Variants in WWOX observed in about 807,000 individuals in gnomAD.
The protein encoded by WWOX is WW domain containing oxidoreductase.
Under a neutral mutation model 46.2 loss-of-function variants are expected in WWOX, and 69 were observed. The ratio of observed to expected loss-of-function variants is 1.49; its 90% CI spans 1.23 to 1.82. The LOEUF is 1.82. WWOX is among the 40% of genes most tolerant of loss of function. The pLI, the probability that WWOX is intolerant of heterozygous loss-of-function variation, is 0.00. For synonymous variants in WWOX, 359 were observed against 202.6 expected, an observed-to-expected ratio of 1.77 and a Z score of -6.56; for missense variants, 919 against 542.6, an observed-to-expected ratio of 1.69 and a Z score of -6.89.
chr16:78,452,006 G>A (rs74030278), intron 8 of WWOX, among the ~76,000 whole-genome samples: 11,135 of 152,166 alleles, frequency 0.073, 492 homozygotes, highest in East Asian at 0.2. Context: ...ACTTCCTTCT[G>A]TTTTTAGTGA....
rs900549255 is a variant in WWOX at position 78,982,375 on chromosome 16, G to A, written c.1057-229233G>A. ...CTGTCAAAAAGAGTCATAGTACAGC[G>A]TGCCATTGCCAGAATACACGTGTGT... On this transcript the variant is annotated intron_variant, in intron 8 of 8. Coordinates refer to ENST00000566780, the MANE Select transcript of WWOX (RefSeq NM_016373.4). Among the ~76,000 whole-genome samples the A allele has an allele frequency of 2.6e-5, 4 of 152,144 alleles. No individual in the cohort carries two copies. The East Asian group carries it at 5.8e-4, about 22-fold the overall frequency.
At chr16:78,734,697 T>A (rs2049043849) in intron 8 of WWOX, among the ~76,000 whole-genome samples, 1 of 151,928 alleles carries the variant, frequency 6.6e-6, no homozygotes, top group African/African-American at 2.4e-5. Flanking sequence ...AGGTGAACAT[T>A]TAAATCAGTC....
chr16:78,856,899 G>A (rs966091005), intron 8 of WWOX, among the ~76,000 whole-genome samples: 1 of 152,132 alleles, frequency 6.6e-6, no homozygotes, highest in African/African-American at 2.4e-5. Context: ...AATCCTAGAT[G>A]GTATAACCTG....
At chr16:78,928,079 G>A (rs34832810) in intron 8 of WWOX, among the ~76,000 whole-genome samples, 9 of 151,938 alleles carry the variant, frequency 5.9e-5, no homozygotes, top group Non-Finnish European at 1.2e-4. Context: ...TACTGTGGTC[G>A]CCTGGACTTC....
intron 8 of WWOX, among the ~76,000 whole-genome samples, chr16:79,129,116 G>A (rs188689554): frequency 1.5e-4 from 23 of 152,094 alleles, no homozygotes; most frequent in Non-Finnish European, 2.8e-4. Context: ...TGCAAACAAC[G>A]GTAGTTATAA....
At chr16:78,784,981 C>T (rs547773000) in intron 8 of WWOX, among the ~76,000 whole-genome samples, 9 of 152,274 alleles carry the variant, frequency 5.9e-5, no homozygotes, top group East Asian at 3.9e-4. Context: ...TGGGCAGGAG[C>T]AGCCAGAGGA....
intron 8 of WWOX, among the ~76,000 whole-genome samples, chr16:79,102,307 C>G (rs953243120): frequency 1.2e-4 from 18 of 152,136 alleles, no homozygotes; most frequent in African/African-American, 4.1e-4. Context: ...GTGTTTGACT[C>G]TAGGACTCAG....
chr16:78,345,513 G>T (rs1479736502), intron 5 of WWOX, among the ~76,000 whole-genome samples: 7 of 73,450 alleles, frequency 9.5e-5, no homozygotes, highest in Admixed American at 9.3e-4. Flanking sequence ...GGGTGTAATG[G>T]CACACCTGTA....
chr16:78,649,223 G>T (rs963269582), intron 8 of WWOX, among the ~76,000 whole-genome samples: 1 of 152,164 alleles, frequency 6.6e-6, no homozygotes. Flanking sequence ...GACCTCAAAT[G>T]ATCCAACCGC....
chr16:78,747,178 A>C (rs969120338), intron 8 of WWOX, among the ~76,000 whole-genome samples: 2 of 145,026 alleles, frequency 1.4e-5, no homozygotes, highest in Middle Eastern at 3.7e-3. Context: ...GGTGGGGGGC[A>C]CTTTCTTGCC....
chr16:78,198,347 G>A (rs997671667), intron 5 of WWOX, among the ~76,000 whole-genome samples: 2 of 152,104 alleles, frequency 1.3e-5, no homozygotes, highest in African/African-American at 4.8e-5. Flanking sequence ...CCCCGCATCC[G>A]ATACACATGC....
rs1050491899 is a variant in WWOX at position 78,756,836 on chromosome 16, G to C, written c.1056+324084G>C. The C allele has an allele frequency of 1.8e-5, 12 of 682,328 alleles. No individual in the cohort carries two copies. In the Admixed American group the frequency reaches 2.1e-4, roughly 12 times the overall value. The allele number at this position is 682,328 out of a possible 1,614,324, so 42.3% of individuals were successfully genotyped here. On this transcript the variant is annotated intron_variant, in intron 8 of 8. Transcript: ENST00000566780. ...CTCGGACACCTAATACTACTGACCT[G>C]TATAATCGATAGGGTATTGCAGACA...
At position 78,868,653 on chromosome 16, in the gene WWOX, C is replaced by G. The variant is rs141846619; in HGVS notation, c.1057-342955C>G. Among the ~76,000 whole-genome samples, 15 of 152,278 alleles carry G rather than the reference C, an allele frequency of 9.9e-5. No individual in the cohort carries two copies. In the East Asian group the frequency reaches 1.7e-3, roughly 18 times the overall value. On this transcript the variant is annotated intron_variant, in intron 8 of 8. Coordinates refer to ENST00000566780, the MANE Select transcript of WWOX (RefSeq NM_016373.4). ...ATAATTAGACAAATTCTGTTACTAT[C>G]TGTCCAACAGTTTAGCAAGAGTCAC... is the stretch of plus-strand genomic sequence containing the variant.
At chr16:79,057,127 G>A (rs969112109) in intron 8 of WWOX, among the ~76,000 whole-genome samples, 1 of 152,198 alleles carries the variant, frequency 6.6e-6, no homozygotes, top group Non-Finnish European at 1.5e-5. Context: ...GGGAGTGCTA[G>A]CGCAGGTTCT....
At chr16:79,070,307 T>TGTGTGTGTGTGTGTGTGTG (rs1567529197) in intron 8 of WWOX, among the ~76,000 whole-genome samples, 3 of 150,336 alleles carry the variant, frequency 2.0e-5, no homozygotes, top group African/African-American at 7.4e-5. Context: ...TGTGTGTGTG[T>TGTGTGTGTGTGTGTGTGTG]TTTCCAGAAA....
intron 5 of WWOX, among the ~76,000 whole-genome samples, chr16:78,246,117 C>T (rs960957628): frequency 1.3e-5 from 2 of 152,122 alleles, no homozygotes; most frequent in African/African-American, 4.8e-5. Flanking sequence ...TATCATGGCT[C>T]ATTTGGAGCA....
At chr16:78,455,642 TCAAAAA>T (rs2083797773) in intron 8 of WWOX, among the ~76,000 whole-genome samples, 2 of 21,264 alleles carry the variant, frequency 9.4e-5, no homozygotes, top group African/African-American at 7.0e-4. Context: ...AGACTCTGTC[TCAAAAA>T]AAAAAAAAAA....
chr16:78,905,807 A>T (rs1175614679), intron 8 of WWOX, among the ~76,000 whole-genome samples: 1 of 152,158 alleles, frequency 6.6e-6, no homozygotes, highest in African/African-American at 2.4e-5. Flanking sequence ...TAGAACCATG[A>T]GCTAAGGGGG....
intron 8 of WWOX, among the ~76,000 whole-genome samples, chr16:78,954,744 A>T (rs1266847701): frequency 6.6e-6 from 1 of 152,128 alleles, no homozygotes; most frequent in East Asian, 1.9e-4. Context: ...ATAAAGTGCT[A>T]TGGGGAAGCA....
Sources: gnomAD v4.1 joint callset for allele counts (sites outside exome capture counted in the v4.1 genomes callset) on GRCh38, gnomAD v4.1.1 for gene constraint, MANE v1.5 for transcripts, NCBI Gene and HGNC (gene_info 2026-07-23, HGNC 2026-07-21) for gene names.